The following NR6A1 variants were observed in gnomAD, a reference collection of about 807,000 sequenced individuals.
NR6A1 encodes retinoic acid receptor-related testis-associated receptor.
NR6A1 carries 7 observed loss-of-function variants against 59.1 expected under a neutral mutation model. That is an observed-to-expected ratio of 0.12 (90% CI 0.07 to 0.22). The LOEUF is 0.22. NR6A1 is among the 10% of genes least tolerant of loss of function. The pLI is 1.00. For synonymous variants in NR6A1, 243 were observed against 236.1 expected (o/e 1.03, Z -0.27); for missense variants, 468 against 611.6 (o/e 0.77, Z 2.48).
At chr9:124,542,432 T>G (rs951918312) in intron 4 of NR6A1, among the ~76,000 whole-genome samples, 8 of 152,240 alleles carry the variant, frequency 5.3e-5, no homozygotes, top group African/African-American at 1.2e-4. Flanking sequence ...CACATTTAAC[T>G]GGCTAAATCC....
intron 1 of NR6A1, among the ~76,000 whole-genome samples, chr9:124,743,965 G>A (rs1051580734): frequency 4.6e-5 from 7 of 152,194 alleles, no homozygotes; most frequent in South Asian, 2.1e-4. Context: ...AGTGGCTCAC[G>A]CCTGTAATCT....
At chr9:124,724,601 T>C (rs1321884041) in intron 2 of NR6A1, among the ~76,000 whole-genome samples, 1 of 152,106 alleles carries the variant, frequency 6.6e-6, no homozygotes, top group Non-Finnish European at 1.5e-5. Flanking sequence ...TCAATTTTGG[T>C]CAATGTTTAC....
chr9:124,647,724 C>CAAAAA (rs35591437), intron 2 of NR6A1, among the ~76,000 whole-genome samples: 6 of 55,980 alleles, frequency 1.1e-4, no homozygotes, highest in African/African-American at 1.5e-4. Context: ...GAGACCGTCT[C>CAAAAA]AAAAAAAAAA....
chr9:124,567,561 C>T (rs1011473180), intron 2 of NR6A1, among the ~76,000 whole-genome samples: 4 of 151,726 alleles, frequency 2.6e-5, no homozygotes, highest in Admixed American at 1.3e-4. Flanking sequence ...GCCCGGGAGT[C>T]GGAGACCAGC....
chr9:124,552,124 C>T (rs1029480940), intron 3 of NR6A1, among the ~76,000 whole-genome samples: 8 of 152,186 alleles, frequency 5.3e-5, no homozygotes, highest in African/African-American at 1.9e-4. Flanking sequence ...ATCTCACACT[C>T]CAGCTGAACA....
intron 2 of NR6A1, among the ~76,000 whole-genome samples, chr9:124,702,884 ATTCTACGAATAGGCAAATTTTTTTTTT>A (rs1455666205): frequency 6.6e-6 from 1 of 151,870 alleles, no homozygotes; most frequent in Non-Finnish European, 1.5e-5. Flanking sequence ...AATTTTGCCT[ATTCTACGAATAGGCAAATTTTTTTTTT>A]TTCTCTTGAG....
chr9:124,769,109 CCTT>C (rs985180021), intron 1 of NR6A1, among the ~76,000 whole-genome samples: 2 of 152,146 alleles, frequency 1.3e-5, no homozygotes, highest in Admixed American at 1.3e-4. Flanking sequence ...TATACTGTCT[CCTT>C]CTACCCTAAC....
At chr9:124,566,944 T>C (rs1451538802) in intron 2 of NR6A1, among the ~76,000 whole-genome samples, 5 of 151,716 alleles carry the variant, frequency 3.3e-5, no homozygotes, top group African/African-American at 9.7e-5. Context: ...CCGTCTCTAC[T>C]AAAAATACAA....
chr9:124,696,093 T>C (rs888373855), intron 2 of NR6A1, among the ~76,000 whole-genome samples: 9 of 152,154 alleles, frequency 5.9e-5, no homozygotes, highest in Non-Finnish European at 1.2e-4. Flanking sequence ...GAGACTGTAT[T>C]AGGGAGTCAT....
rs34197337 is a variant in NR6A1 at position 124,611,749 on chromosome 9, TAG to T, written c.143-57181_143-57180del. 6.3e-3 allele frequency among the ~76,000 whole-genome samples: 576 copies of T among 91,054 alleles called. 1 individual carries two copies. The highest frequency in any genetic ancestry group is 6.9e-3 in the African/African-American group (134 of 19,498). 59.7% of individuals were successfully genotyped at this position (91,054 alleles called of 152,430 possible). A position where few individuals can be genotyped will look rare whatever the true frequency, so the allele number is the denominator to read the frequency against. On this transcript the variant is annotated intron_variant, in intron 2 of 9. Transcript: ENST00000487099. Reference sequence around the variant, plus strand: ...TGCACAACAGAGTGAGACCCTGTCTTAGAGAGAGAGAGAGAGAGAGAGAGAGA... The same window carrying T: ...TGCACAACAGAGTGAGACCCTGTCTTAGAGAGAGAGAGAGAGAGAGAGAGA...
chr9:124,588,618 T>C (rs1384010391), intron 2 of NR6A1, among the ~76,000 whole-genome samples: 1 of 147,318 alleles, frequency 6.8e-6, no homozygotes, highest in African/African-American at 2.5e-5. Flanking sequence ...CACGTCGTAC[T>C]GTTAATATTC....
intron 1 of NR6A1, among the ~76,000 whole-genome samples, chr9:124,749,935 A>G (rs778073769): frequency 2.0e-5 from 3 of 152,216 alleles, no homozygotes; most frequent in Non-Finnish European, 4.4e-5. Flanking sequence ...GTAAGAGATG[A>G]TTATTTGGTA....
intron 2 of NR6A1, among the ~76,000 whole-genome samples, chr9:124,732,207 A>C (rs1839903352): frequency 6.6e-6 from 1 of 152,194 alleles, no homozygotes; most frequent in African/African-American, 2.4e-5. Context: ...TGGAAAGGTA[A>C]GCTTTATCAC....
At chr9:124,674,777 C>T (rs913531658) in intron 2 of NR6A1, among the ~76,000 whole-genome samples, 3 of 152,152 alleles carry the variant, frequency 2.0e-5, no homozygotes, top group Non-Finnish European at 2.9e-5. Flanking sequence ...CAAATTACAA[C>T]ACAGGAACTA....
chr9:124,627,398 C>T (rs1339146726), intron 2 of NR6A1, among the ~76,000 whole-genome samples: 6 of 152,142 alleles, frequency 3.9e-5, no homozygotes, highest in Admixed American at 2.6e-4. Flanking sequence ...CCTTCCTCCA[C>T]TCACTCCTAA....
intron 2 of NR6A1, among the ~76,000 whole-genome samples, chr9:124,590,673 C>A (rs558609336): frequency 6.6e-6 from 1 of 152,242 alleles, no homozygotes; most frequent in Admixed American, 6.5e-5. Flanking sequence ...CCCCTGAACC[C>A]AGAAGGCAGA....
rs751666865 is a variant in NR6A1, at chr9:124,699,341, T to C, written c.142+33967A>G. ...AACCCAGGGTTAAAAGAAGGCCTTT[T>C]CTGCATGTAAGTGTCATCAGACTGG... is the stretch of plus-strand genomic sequence containing the variant. On this transcript the variant is annotated intron_variant, in intron 2 of 9. Transcript: ENST00000487099. 2.6e-5 allele frequency among the ~76,000 whole-genome samples: 4 copies of C among 152,332 alleles called. No individual in the cohort carries two copies. In the South Asian group the frequency reaches 8.3e-4, roughly 32 times the overall value.
intron 2 of NR6A1, among the ~76,000 whole-genome samples, chr9:124,627,427 C>G (rs760453682): frequency 3.3e-5 from 5 of 152,220 alleles, no homozygotes; most frequent in Admixed American, 2.0e-4. Context: ...TGGCAAAAAA[C>G]TCTAAGAAAA....
intron 3 of NR6A1, among the ~76,000 whole-genome samples, chr9:124,545,129 G>T (rs570945298): frequency 6.6e-6 from 1 of 152,308 alleles, no homozygotes; most frequent in South Asian, 2.1e-4. Flanking sequence ...TCAGAATTAA[G>T]TAAGTTAGGG....
Sources: allele counts gnomAD v4.1 joint callset (sites outside exome capture counted in the v4.1 genomes callset), GRCh38; gene constraint gnomAD v4.1.1; transcripts MANE v1.5; gene names NCBI Gene and HGNC (gene_info 2026-07-23, HGNC 2026-07-21).